Variants in PTPRT observed in about 807,000 individuals in gnomAD.
PTPRT encodes protein tyrosine phosphatase receptor type T.
In PTPRT, 56 loss-of-function variants were observed where a neutral mutation model predicts 176.8. That is an observed-to-expected ratio of 0.32 (90% CI 0.26 to 0.40). The LOEUF is 0.40. Ranked by LOEUF, PTPRT falls within the 10% of genes least tolerant of loss-of-function variation. The pLI is 1.00. For synonymous variants in PTPRT, 783 were observed against 739.0 expected (o/e 1.06, Z -0.96); for missense variants, 1,540 against 1,908.2 (o/e 0.81, Z 3.60).
chr20:42,318,271 T>G (rs184437592), intron 11 of PTPRT, among the ~76,000 whole-genome samples: 3 of 152,324 alleles, frequency 2.0e-5, no homozygotes, highest in African/African-American at 7.2e-5. Flanking sequence ...TCAGGACAGC[T>G]AAGCTCAAAG....
At chr20:42,335,338 C>A (rs115620836) in intron 11 of PTPRT, among the ~76,000 whole-genome samples, 1,623 of 152,248 alleles carry the variant, frequency 0.011, 20 homozygotes, top group South Asian at 0.051. Context: ...AAGCACAGCA[C>A]CTCCAGTCAA....
chr20:42,715,459 G>C (rs1399791974), intron 6 of PTPRT, among the ~76,000 whole-genome samples: 1 of 152,110 alleles, frequency 6.6e-6, no homozygotes, highest in African/African-American at 2.4e-5. Context: ...AGAGACATCA[G>C]AAGTAAGAAA....
chr20:42,868,048 G>A (rs1051800973), intron 2 of PTPRT, among the ~76,000 whole-genome samples: 5 of 152,160 alleles, frequency 3.3e-5, no homozygotes, highest in Admixed American at 6.5e-5. Context: ...AATTAATACC[G>A]AGAAGTAGAG....
rs576207951 is a variant in PTPRT, at chr20:42,072,868, G to T, written c.*8011C>A. 6 of 221,812 alleles carry T rather than the reference G, an allele frequency of 2.7e-5. No homozygotes were observed. Among genetic ancestry groups the T allele is most frequent in the African/African-American group, 1.3e-4 (6 of 44,756 alleles). The allele number at this position is 221,812 out of a possible 1,614,324, so 13.7% of individuals were successfully genotyped here. The stretch of plus-strand genomic sequence containing the variant: ...CAAGAATAAATAAGATGGACTTGCA[G>T]GTGTAAAAAGATTACACTTCACTGT... On this transcript the variant is annotated 3_prime_UTR_variant, in exon 31 of 31. Coordinates refer to ENST00000373187, the MANE Select transcript of PTPRT (RefSeq NM_007050.6).
At chr20:42,139,851 C>T (rs746556871) in intron 18 of PTPRT, among the ~76,000 whole-genome samples, 27 of 152,386 alleles carry the variant, frequency 1.8e-4, no homozygotes, top group African/African-American at 6.5e-4. Context: ...GGAGCAGGAG[C>T]TCCACCTCCC....
At chr20:42,476,636 T>C (rs1366693267) in intron 7 of PTPRT, among the ~76,000 whole-genome samples, 2 of 152,202 alleles carry the variant, frequency 1.3e-5, no homozygotes, top group Non-Finnish European at 2.9e-5. Context: ...TCAGTTTGTA[T>C]TCCAAAGGCA....
chr20:42,737,590 C>T (rs907118737), intron 6 of PTPRT, among the ~76,000 whole-genome samples: 13 of 150,956 alleles, frequency 8.6e-5, no homozygotes, highest in Middle Eastern at 3.2e-3. Flanking sequence ...CAAGATCACA[C>T]CATTGCACTC....
intron 11 of PTPRT, among the ~76,000 whole-genome samples, chr20:42,316,892 G>A (rs1195129929): frequency 6.6e-6 from 1 of 152,090 alleles, no homozygotes; most frequent in South Asian, 2.1e-4. Flanking sequence ...TCCCTCTTTA[G>A]TTCCCCTAGA....
intron 9 of PTPRT, among the ~76,000 whole-genome samples, chr20:42,404,082 C>A (rs1191708628): frequency 1.3e-5 from 2 of 152,178 alleles, no homozygotes; most frequent in African/African-American, 4.8e-5. Context: ...CACCCAAGAA[C>A]AAGATATGGT....
Position 42,340,351 on chromosome 20 carries a change from A to G in PTPRT, c.1865+10277T>C, listed in dbSNP as rs140276418. ...TGTTTATAAAATTCTTCGTAAGCCT[A>G]TACCTAAGTGGAAATGCACTAAATA... On this transcript the variant is annotated intron_variant, in intron 11 of 30. Transcript: ENST00000373187. Among the ~76,000 whole-genome samples, 3 of 152,352 alleles carry G rather than the reference A, an allele frequency of 2.0e-5. No homozygotes were observed. The East Asian group carries it at 5.8e-4, about 29-fold the overall frequency.
rs568439323 is a variant in PTPRT, at chr20:42,248,563, A to T, written c.2312+124T>A. ...CCACAGCCGGCCCATGTATTTCCGG[A>T]CCTCAATGGTTATAACAGAAGATCC... On this transcript the variant is annotated intron_variant, in intron 14 of 30. Coordinates refer to ENST00000373187, the MANE Select transcript of PTPRT (RefSeq NM_007050.6). The T allele has an allele frequency of 1.6e-5, 20 of 1,255,960 alleles. No individual in the cohort carries two copies. The East Asian group carries it at 4.5e-4, about 28-fold the overall frequency. 77.8% of individuals were successfully genotyped at this position (1,255,960 alleles called of 1,614,324 possible). A position where few individuals can be genotyped will look rare whatever the true frequency, so the allele number is the denominator to read the frequency against.
chr20:42,508,983 ATATT>A (rs1169046844), intron 7 of PTPRT, among the ~76,000 whole-genome samples: 1 of 131,636 alleles, frequency 7.6e-6, no homozygotes, highest in Non-Finnish European at 1.6e-5. Flanking sequence ...TATATAATTT[ATATT>A]TAATTTATAG....
At chr20:42,933,331 T>C (rs1187539896) in intron 1 of PTPRT, among the ~76,000 whole-genome samples, 3 of 152,280 alleles carry the variant, frequency 2.0e-5, no homozygotes, top group East Asian at 1.9e-4. Context: ...TCCCTGCAAA[T>C]AGGATCAATT....
intron 7 of PTPRT, among the ~76,000 whole-genome samples, chr20:42,590,927 CGTGTGTGTGTGT>C (rs11468131): frequency 1.7e-3 from 218 of 131,084 alleles, no homozygotes; most frequent in African/African-American, 4.4e-3. Context: ...AGAGATTTAG[CGTGTGTGTGTGT>C]GTGTGTGTGT....
At chr20:42,417,926 G>C (rs891377824) in intron 9 of PTPRT, among the ~76,000 whole-genome samples, 3 of 151,972 alleles carry the variant, frequency 2.0e-5, no homozygotes, top group African/African-American at 4.8e-5. Flanking sequence ...TTTTTGTAGA[G>C]AAAGGGTCTC....
chr20:43,120,678 T>A (rs1346432295), intron 1 of PTPRT, among the ~76,000 whole-genome samples: 2 of 152,148 alleles, frequency 1.3e-5, no homozygotes, highest in African/African-American at 2.4e-5. Context: ...TGTCCATAGA[T>A]CCTTGTTTCA....
At chr20:42,274,298 A>G (rs2056988163) in intron 13 of PTPRT, among the ~76,000 whole-genome samples, 1 of 152,296 alleles carries the variant, frequency 6.6e-6, no homozygotes, top group East Asian at 1.9e-4. Flanking sequence ...TCCCCTGCTC[A>G]GGGGTTCTCT....
chr20:42,157,801 C>T (rs7272567), intron 17 of PTPRT, among the ~76,000 whole-genome samples: 11,415 of 152,242 alleles, frequency 0.075, 519 homozygotes, highest in Non-Finnish European at 0.095. Context: ...TGGGCCACAA[C>T]GGTGATGCAC....
intron 1 of PTPRT, among the ~76,000 whole-genome samples, chr20:42,975,224 G>A (rs79888410): frequency 6.6e-6 from 1 of 152,192 alleles, no homozygotes; most frequent in East Asian, 1.9e-4. Flanking sequence ...ATATCATGCA[G>A]CCACTCAAAG....
Sources: allele counts gnomAD v4.1 joint callset (sites outside exome capture counted in the v4.1 genomes callset), GRCh38; gene constraint gnomAD v4.1.1; transcripts MANE v1.5; gene names NCBI Gene and HGNC (gene_info 2026-07-23, HGNC 2026-07-21).